RB1: variants seen among roughly 807,000 people sequenced by gnomAD.
The protein encoded by RB1 is retinoblastoma-associated protein.
In RB1, 18 loss-of-function variants were observed where a neutral mutation model predicts 135.4. The ratio of observed to expected loss-of-function variants is 0.13; its 90% CI spans 0.09 to 0.20. The LOEUF (loss-of-function observed/expected upper bound fraction) is 0.20. Among genes scored for constraint, RB1 ranks in the 10% least tolerant of loss-of-function variants. The pLI is 1.00. For missense variants in RB1, 868 were observed against 1,110.0 expected (o/e 0.78, Z 3.10); for synonymous variants, 365 against 373.2 (o/e 0.98, Z 0.25).
chr13:48,422,042 A>C (rs1257370455), intron 17 of RB1, among the ~76,000 whole-genome samples: 3 of 152,218 alleles, frequency 2.0e-5, no homozygotes, highest in Non-Finnish European at 2.9e-5. Flanking sequence ...ATTATAAATA[A>C]TTCTAATATA....
At chr13:48,334,809 C>T (rs1344960207) in intron 2 of RB1, among the ~76,000 whole-genome samples, 1 of 152,074 alleles carries the variant, frequency 6.6e-6, no homozygotes, top group Non-Finnish European at 1.5e-5. Flanking sequence ...TAGATTGGTT[C>T]AAATGAACTC....
intron 23 of RB1, among the ~76,000 whole-genome samples, chr13:48,471,866 A>C (rs1949472996): frequency 6.6e-6 from 1 of 152,136 alleles, no homozygotes. Flanking sequence ...AAGTCTTTAG[A>C]GGTCCATCCC....
chr13:48,317,376 G>A, intron 2 of RB1: 1 of 373,402 alleles, frequency 2.7e-6, no homozygotes, highest in South Asian at 4.4e-5. Context: ...TACTTTCCGA[G>A]CGCAGCGCGC....
At chr13:48,453,187 TAAAG>T in intron 18 of RB1, 76 bp downstream of exon 18, 1 of 1,362,984 alleles carries the variant, frequency 7.3e-7, no homozygotes, top group Non-Finnish European at 1.0e-6. Flanking sequence ...TAACATTCTA[TAAAG>T]AAACTGTAGG....
At chr13:48,317,103 A>G in intron 2 of RB1, 1 of 906,844 alleles carries the variant, frequency 1.1e-6, no homozygotes, top group Non-Finnish European at 1.5e-6. Context: ...CTTCGCCAGC[A>G]AGTGTGGGCT....
intron 12 of RB1, among the ~76,000 whole-genome samples, chr13:48,375,922 A>G (rs1471379255): frequency 6.6e-6 from 1 of 152,000 alleles, no homozygotes; most frequent in Non-Finnish European, 1.5e-5. Context: ...GTATATATTG[A>G]ATGTGTTTTA....
rs9595895 is a variant in RB1 at position 48,361,974 on chromosome 13, A to T, written c.719-841A>T. On this transcript the variant is annotated intron_variant, in intron 7 of 26. Coordinates refer to ENST00000267163, the MANE Select transcript of RB1 (RefSeq NM_000321.3). ...TTTTTTTTTTTTGAGGCAGAGTCTC[A>T]CTCACTCTGTCGCCCAGGCCTGGAG... Among the ~76,000 whole-genome samples, 1,030 of 134,046 alleles carry T rather than the reference A, an allele frequency of 7.7e-3. 11 individuals carry two copies. The highest frequency in any genetic ancestry group is 0.027 in the African/African-American group (986 of 36,430). The allele number at this position is 134,046 out of a possible 152,430, so 87.9% of individuals were successfully genotyped here. A position where few individuals can be genotyped will look rare whatever the true frequency, so the allele number is the denominator to read the frequency against.
rs115622262 is a variant in RB1 at position 48,401,580 on chromosome 13, A to G, written c.1695+20137A>G. On this transcript the variant is annotated intron_variant, in intron 17 of 26. Coordinates refer to ENST00000267163, the MANE Select transcript of RB1 (RefSeq NM_000321.3). ...TTATAGCATGTTTTAAAAACTCTGA[A>G]CTGTCACGACCCAGTCTGTTTCAAC... 2.3e-3 allele frequency among the ~76,000 whole-genome samples: 343 copies of G among 152,238 alleles called. 1 individual carries two copies. The highest frequency in any genetic ancestry group is 7.7e-3 in the African/African-American group (320 of 41,554).
intron 17 of RB1, among the ~76,000 whole-genome samples, chr13:48,442,760 C>T (rs1461180955): frequency 6.6e-6 from 1 of 152,032 alleles, no homozygotes; most frequent in Non-Finnish European, 1.5e-5. Context: ...AAACCTGGAC[C>T]CAATTTTAGA....
Position 48,304,149 on chromosome 13 carries a change from G to C in RB1, c.137+100G>C. 7 of 1,263,796 alleles carry C rather than the reference G, an allele frequency of 5.5e-6. No individual in the cohort carries two copies. In the South Asian group the frequency reaches 1.2e-4, roughly 22 times the overall value. The allele number at this position is 1,263,796 out of a possible 1,614,324, so 78.3% of individuals were successfully genotyped here. ...CTCGGCGGGGATCCGTCCTCGCCAGGGGCCGGGTCCCGGCGGGAGGAGGCG... is the reference window on the plus strand; with the variant it reads ...CTCGGCGGGGATCCGTCCTCGCCAGCGGCCGGGTCCCGGCGGGAGGAGGCG... On this transcript the variant is annotated intron_variant, in intron 1 of 26. Coordinates refer to ENST00000267163, the MANE Select transcript of RB1 (RefSeq NM_000321.3).
At chr13:48,382,163 A>G (rs759530274) in intron 17 of RB1, among the ~76,000 whole-genome samples, 7 of 152,240 alleles carry the variant, frequency 4.6e-5, no homozygotes, top group Non-Finnish European at 1.0e-4. Flanking sequence ...TAGTGCCACA[A>G]TAAACATACG....
At chr13:48,462,454 T>G (rs1234554400) in intron 20 of RB1, among the ~76,000 whole-genome samples, 1 of 152,186 alleles carries the variant, frequency 6.6e-6, no homozygotes, top group Non-Finnish European at 1.5e-5. Flanking sequence ...TTATTTGTCT[T>G]GTTATTATTG....
intron 2 of RB1, among the ~76,000 whole-genome samples, chr13:48,332,864 T>A (rs1008700510): frequency 2.0e-5 from 3 of 152,320 alleles, no homozygotes; most frequent in African/African-American, 7.2e-5. Context: ...ATACTATGTT[T>A]TTTCCTATCC....
rs1334554978 is a variant in RB1 at position 48,467,791 on chromosome 13, A to G, written c.2489+2423A>G. The stretch of plus-strand genomic sequence containing the variant: ...CGGATAAAACAGACTTTAAACCAAC[A>G]AAGATCAAAAGAGACAAAGAAGGCC... On this transcript the variant is annotated intron_variant, in intron 23 of 26. Transcript: ENST00000267163. Among the ~76,000 whole-genome samples, 61 of 6,654 alleles carry G rather than the reference A, an allele frequency of 9.2e-3. 8 individuals carry two copies. Among genetic ancestry groups the G allele is most frequent in the Non-Finnish European group, 0.073 (41 of 562 alleles). 4.4% of individuals were successfully genotyped at this position (6,654 alleles called of 152,430 possible).
intron 6 of RB1, among the ~76,000 whole-genome samples, chr13:48,355,777 A>G (rs1433155626): frequency 2.0e-5 from 3 of 152,110 alleles, no homozygotes; most frequent in East Asian, 1.9e-4. Context: ...GACAACATAG[A>G]TGGACCTGGA....
chr13:48,381,078 TG>T (rs1948531314), intron 16 of RB1, among the ~76,000 whole-genome samples, 168 bp from the exon 17 acceptor site: 1 of 152,176 alleles, frequency 6.6e-6, no homozygotes, highest in African/African-American at 2.4e-5. Flanking sequence ...CACTCAAAAT[TG>T]GAAGGCTATT....
chr13:48,332,738 T>C (rs1352585836), intron 2 of RB1, among the ~76,000 whole-genome samples: 1 of 152,194 alleles, frequency 6.6e-6, no homozygotes, highest in Non-Finnish European at 1.5e-5. Flanking sequence ...CTATGTGAAG[T>C]GATAGATATG....
chr13:48,338,171 C>T (rs1284346911), intron 2 of RB1, among the ~76,000 whole-genome samples: 1 of 152,152 alleles, frequency 6.6e-6, no homozygotes, highest in Non-Finnish European at 1.5e-5. Context: ...AGTTGCTCTT[C>T]TCGAGGAGTA....
chr13:48,351,178 A>G (rs1331891245), intron 6 of RB1, among the ~76,000 whole-genome samples: 2 of 152,148 alleles, frequency 1.3e-5, no homozygotes, highest in Admixed American at 6.5e-5. Context: ...CAATGTTTGA[A>G]CTAATTTACA....
Sources: allele counts gnomAD v4.1 joint callset (sites outside exome capture counted in the v4.1 genomes callset), GRCh38; gene constraint gnomAD v4.1.1; transcripts MANE v1.5; gene names NCBI Gene and HGNC (gene_info 2026-07-23, HGNC 2026-07-21).